Variants in TAFA2 observed in about 807,000 individuals in gnomAD.
TAFA2 encodes TAFA chemokine like family member 2.
In TAFA2, 7 loss-of-function variants were observed where a neutral mutation model predicts 18.8. The ratio of observed to expected loss-of-function variants is 0.37; its 90% CI spans 0.21 to 0.70. The LOEUF is 0.70. Ranked by LOEUF, TAFA2 falls within the 30% of genes least tolerant of loss-of-function variation. The pLI is 0.53. For missense variants in TAFA2, 122 were observed against 158.1 expected (o/e 0.77, Z 1.23); for synonymous variants, 60 against 54.2 (o/e 1.11, Z -0.47).
intron 1 of TAFA2, among the ~76,000 whole-genome samples, chr12:62,249,537 C>G (rs1302318474): frequency 6.6e-6 from 1 of 152,106 alleles, no homozygotes; most frequent in Non-Finnish European, 1.5e-5. Context: ...CCTCTCTCAC[C>G]ATGTGATCTT....
At chr12:61,795,474 G>C (rs1484338576) in intron 2 of TAFA2, among the ~76,000 whole-genome samples, 1 of 151,904 alleles carries the variant, frequency 6.6e-6, no homozygotes, top group East Asian at 1.9e-4. Flanking sequence ...GCAAACTATC[G>C]CAAGGACAAA....
In TAFA2 at chr12:61,754,901, G is replaced by A; in HGVS notation, c.230C>T (p.Thr77Ile). ...CACACATGATGGAGCAGCTCGCGTG[G>A]TGCCTGCCACCTGCCCAGGGAAGCA... is the stretch of plus-strand genomic sequence containing the variant. Reference protein sequence around the residue: ...CSCFPGQVAGTTRAAPSCVDA... With the variant: ...CSCFPGQVAGITRAAPSCVDA... The change falls in exon 3 of 5, where the codon ACC becomes ATC. Residue 77 changes from threonine (T) to isoleucine (I), a missense_variant. Coordinates refer to ENST00000416284, the MANE Select transcript of TAFA2 (RefSeq NM_178539.5). The A allele has an allele frequency of 6.2e-7, 1 of 1,612,846 alleles. No homozygotes were observed. The highest frequency in any genetic ancestry group is 8.5e-7 in the Non-Finnish European group (1 of 1,179,354).
chr12:61,985,431 TA>T (rs1879779986), intron 1 of TAFA2, among the ~76,000 whole-genome samples: 1 of 152,180 alleles, frequency 6.6e-6, no homozygotes, highest in South Asian at 2.1e-4. Context: ...TACAGTCTCT[TA>T]TTATGTAATA....
chr12:62,143,678 A>T (rs781197040), intron 1 of TAFA2, among the ~76,000 whole-genome samples: 2 of 152,036 alleles, frequency 1.3e-5, no homozygotes, highest in Non-Finnish European at 2.9e-5. Context: ...CCCACCCCCC[A>T]CAACCTTATT....
Position 61,975,819 on chromosome 12 carries a change from G to C in TAFA2, c.-1-108393C>G, listed in dbSNP as rs184464266. 9.9e-5 allele frequency among the ~76,000 whole-genome samples: 15 copies of C among 151,782 alleles called. No individual in the cohort carries two copies. The East Asian group carries it at 2.9e-3, about 30-fold the overall frequency. On this transcript the variant is annotated intron_variant, in intron 1 of 4. Coordinates refer to ENST00000416284, the MANE Select transcript of TAFA2 (RefSeq NM_178539.5). ...CCTAATGTACGGCAAGGTGACTAAA[G>C]TTAATAACAATGTATTATACACTGG...
chr12:61,963,131 G>C (rs1878947562), intron 1 of TAFA2, among the ~76,000 whole-genome samples: 1 of 151,910 alleles, frequency 6.6e-6, no homozygotes, highest in Admixed American at 6.6e-5. Flanking sequence ...ATCATTGATG[G>C]TCATTTGGGT....
chr12:62,035,504 G>A (rs1881574333), intron 1 of TAFA2, among the ~76,000 whole-genome samples: 1 of 151,636 alleles, frequency 6.6e-6, no homozygotes, highest in Non-Finnish European at 1.5e-5. Context: ...AGTGGGAAGA[G>A]GGTTGATATA....
chr12:62,084,008 G>T (rs1411564107), intron 1 of TAFA2, among the ~76,000 whole-genome samples: 1 of 152,086 alleles, frequency 6.6e-6, no homozygotes, highest in Non-Finnish European at 1.5e-5. Context: ...TATTCTCAGG[G>T]TGTTTTTAAA....
At chr12:62,077,017 T>C (rs746722008) in intron 1 of TAFA2, among the ~76,000 whole-genome samples, 4 of 152,244 alleles carry the variant, frequency 2.6e-5, no homozygotes, top group Non-Finnish European at 5.9e-5. Flanking sequence ...GGTGATTAAC[T>C]TTCTGATATG....
intron 1 of TAFA2, among the ~76,000 whole-genome samples, chr12:62,025,464 G>GA (rs376487561): frequency 1.2e-4 from 19 of 152,048 alleles, no homozygotes; most frequent in African/African-American, 4.3e-4. Flanking sequence ...TTTTGAACGA[G>GA]AAAAAATTCT....
intron 1 of TAFA2, among the ~76,000 whole-genome samples, chr12:62,153,921 ATTATGTTATGTTATGTTATGTTATG>A (rs60466452): frequency 8.1e-6 from 1 of 124,024 alleles, no homozygotes. Context: ...ACATAACAAA[ATTATGTTATGTTATGTTATGTTATG>A]TTATGTTATG....
intron 4 of TAFA2, among the ~76,000 whole-genome samples, chr12:61,739,404 C>A (rs1298010126): frequency 6.6e-6 from 1 of 151,978 alleles, no homozygotes; most frequent in African/African-American, 2.4e-5. Context: ...AAAGGCTAAA[C>A]CCTTAGTGAG....
intron 1 of TAFA2, among the ~76,000 whole-genome samples, chr12:61,890,800 T>C (rs183494474): frequency 9.8e-5 from 15 of 152,326 alleles, no homozygotes; most frequent in Admixed American, 8.5e-4. Context: ...CTCCAGCAGA[T>C]GAAACCATTT....
chr12:62,241,690 A>G (rs1014532305), intron 1 of TAFA2, among the ~76,000 whole-genome samples: 1 of 152,156 alleles, frequency 6.6e-6, no homozygotes, highest in Non-Finnish European at 1.5e-5. Context: ...TGGAAATATT[A>G]TAGCTAGCCA....
intron 1 of TAFA2, among the ~76,000 whole-genome samples, chr12:61,923,711 A>C (rs1565682865): frequency 1.3e-5 from 2 of 152,116 alleles, no homozygotes; most frequent in Admixed American, 6.5e-5. Flanking sequence ...TTCACCAGAA[A>C]GGGAACAAAA....
chr12:61,922,547 G>A (rs1006409915), intron 1 of TAFA2, among the ~76,000 whole-genome samples: 24 of 152,230 alleles, frequency 1.6e-4, no homozygotes, highest in African/African-American at 5.8e-4. Context: ...ACTGTGCTGT[G>A]AGGGACGGTG....
At chr12:62,183,705 C>T (rs2062566397) in intron 1 of TAFA2, among the ~76,000 whole-genome samples, 1 of 152,158 alleles carries the variant, frequency 6.6e-6, no homozygotes, top group Non-Finnish European at 1.5e-5. Flanking sequence ...ATTTTTATCA[C>T]AGCAGCTCAA....
At chr12:62,045,497 T>G (rs895662403) in intron 1 of TAFA2, among the ~76,000 whole-genome samples, 3 of 152,150 alleles carry the variant, frequency 2.0e-5, no homozygotes, top group African/African-American at 7.2e-5. Context: ...CAAAGCTGCT[T>G]TCTGTCAAAG....
intron 1 of TAFA2, among the ~76,000 whole-genome samples, chr12:61,940,614 A>T (rs995694870): frequency 6.6e-6 from 1 of 152,182 alleles, no homozygotes; most frequent in Non-Finnish European, 1.5e-5. Flanking sequence ...GTCAACCCAA[A>T]GCCTGCCTGC....
Sources: allele counts gnomAD v4.1 joint callset (sites outside exome capture counted in the v4.1 genomes callset), GRCh38; gene constraint gnomAD v4.1.1; transcripts MANE v1.5; gene names NCBI Gene and HGNC (gene_info 2026-07-23, HGNC 2026-07-21).